Variants in ABR observed in about 807,000 individuals in gnomAD.
ABR encodes the protein active breakpoint cluster region-related protein.
ABR carries 35 observed loss-of-function variants against 107.2 expected under a neutral mutation model. That is an observed-to-expected ratio of 0.33 (90% CI 0.25 to 0.43). The LOEUF (loss-of-function observed/expected upper bound fraction) is 0.43. ABR is among the 20% of genes least tolerant of loss of function. The probability of loss-of-function intolerance (pLI) is 1.00; values close to 1 mark genes in which losing one functional copy is unlikely to be tolerated. For missense variants in ABR, 815 were observed against 1,115.2 expected, an observed-to-expected ratio of 0.73 and a Z score of 3.83; for synonymous variants, 498 against 462.0, an observed-to-expected ratio of 1.08 and a Z score of -1.00.
chr17:1,089,118 G>A (rs1198063675), intron 4 of ABR, among the ~76,000 whole-genome samples: 5 of 151,914 alleles, frequency 3.3e-5, no homozygotes, highest in African/African-American at 9.7e-5. Flanking sequence ...GGCTGGTCTC[G>A]AACTCCTGAC....
rs774159226 is a variant in ABR at position 1,092,174 on chromosome 17, C to A, written c.346-324G>T. The stretch of plus-strand genomic sequence containing the variant: ...GATCCGCGTCTTTCTTCCACGATAG[C>A]CTGTGCCCCGAGTCATAAGCTCCTT... On this transcript the variant is annotated intron_variant, in intron 3 of 22. Coordinates refer to ENST00000302538, the MANE Select transcript of ABR (RefSeq NM_021962.5). This position sits in a 1 kb window ranked among gnomAD's most constrained non-coding sequence, Gnocchi z 4.6. Among the ~76,000 whole-genome samples the A allele has an allele frequency of 6.6e-6, 1 of 152,186 alleles. No homozygotes were observed. Among genetic ancestry groups the A allele is most frequent in the Non-Finnish European group, 1.5e-5 (1 of 68,024 alleles).
At chr17:1,024,498 C>T (rs1476411483) in intron 16 of ABR, among the ~76,000 whole-genome samples, 1 of 152,130 alleles carries the variant, frequency 6.6e-6, no homozygotes, top group Non-Finnish European at 1.5e-5. Flanking sequence ...TATATAAAAA[C>T]AGTCTGGGCC....
intron 16 of ABR, among the ~76,000 whole-genome samples, chr17:1,015,869 T>G (rs1017353786): frequency 1.3e-5 from 2 of 152,194 alleles, no homozygotes; most frequent in Non-Finnish European, 2.9e-5. Context: ...TATAGGGTAT[T>G]ATTTTTTGCT....
At chr17:1,219,900 C>T (rs1285546059) in intron 1 of ABR, among the ~76,000 whole-genome samples, 4 of 151,844 alleles carry the variant, frequency 2.6e-5, no homozygotes, top group African/African-American at 4.8e-5. Flanking sequence ...AAAAATTCAA[C>T]GTGACAGCGT....
chr17:1,046,231 C>G (rs566180300), intron 16 of ABR, among the ~76,000 whole-genome samples: 1 of 151,750 alleles, frequency 6.6e-6, no homozygotes, highest in East Asian at 1.9e-4. Flanking sequence ...GTCTCAAACT[C>G]CCGACCTCCT....
chr17:1,013,388 G>A (rs994345504), intron 16 of ABR, among the ~76,000 whole-genome samples: 38 of 151,786 alleles, frequency 2.5e-4, no homozygotes, highest in Admixed American at 2.2e-3. Flanking sequence ...GTTACCCGCC[G>A]TGGGGGAGGC....
chr17:1,209,855 T>C (rs1215339946), intron 1 of ABR, among the ~76,000 whole-genome samples: 1 of 152,158 alleles, frequency 6.6e-6, no homozygotes, highest in African/African-American at 2.4e-5. Flanking sequence ...GCAGCAATTC[T>C]TTTAAGCACT....
chr17:1,148,182 C>G lies in ABR; in HGVS notation c.62-22815G>C, dbSNP rs968128612. On this transcript the variant is annotated intron_variant, in intron 1 of 22. Coordinates refer to ENST00000302538, the MANE Select transcript of ABR (RefSeq NM_021962.5). This position sits in a 1 kb window ranked among gnomAD's most constrained non-coding sequence, Gnocchi z 4.9. ...AGCATTATTGACACTTGCCAAAAAA[C>G]AGAAACACCTCAAGTGTCTATGGGT... 3.5e-4 allele frequency among the ~76,000 whole-genome samples: 54 copies of G among 152,220 alleles called. No individual in the cohort carries two copies. Among genetic ancestry groups the G allele is most frequent in the African/African-American group, 1.2e-3 (50 of 41,464 alleles).
At chr17:1,081,090 C>T (rs988881659) in intron 5 of ABR, among the ~76,000 whole-genome samples, 11 of 152,114 alleles carry the variant, frequency 7.2e-5, no homozygotes, top group African/African-American at 2.7e-4. Flanking sequence ...CAGCCCAGGC[C>T]AAGAGAAGAC....
intron 1 of ABR, among the ~76,000 whole-genome samples, chr17:1,222,074 C>CTTTTTTT (rs1488404002): frequency 1.0e-4 from 15 of 144,848 alleles, no homozygotes; most frequent in East Asian, 2.0e-4. Context: ...AGGATCCCAT[C>CTTTTTTT]TTTTTTTCTG....
At chr17:1,016,093 T>G (rs1168849192) in intron 16 of ABR, among the ~76,000 whole-genome samples, 1 of 151,628 alleles carries the variant, frequency 6.6e-6, no homozygotes, top group East Asian at 1.9e-4. Flanking sequence ...TCGAAAAGAG[T>G]TTTATCACAG....
intron 1 of ABR, among the ~76,000 whole-genome samples, chr17:1,162,801 C>A (rs1448963950): frequency 6.6e-5 from 10 of 152,054 alleles, no homozygotes; most frequent in Admixed American, 2.6e-4. Flanking sequence ...AGGCCAAGCA[C>A]AGTGGCTCAC....
At chr17:1,039,062 C>A (rs1369686502) in intron 16 of ABR, among the ~76,000 whole-genome samples, 2 of 152,186 alleles carry the variant, frequency 1.3e-5, no homozygotes, top group Non-Finnish European at 2.9e-5. Flanking sequence ...AGGTCCCGTG[C>A]CTCTGAGTCT....
intron 2 of ABR, among the ~76,000 whole-genome samples, chr17:1,109,416 G>C (rs1056218307): frequency 2.6e-5 from 4 of 151,928 alleles, no homozygotes; most frequent in African/African-American, 9.7e-5. Context: ...CGGGGCTCGG[G>C]CTCGCGCTCG....
At chr17:1,214,693 C>T (rs549519977) in intron 1 of ABR, among the ~76,000 whole-genome samples, 131 of 152,082 alleles carry the variant, frequency 8.6e-4, no homozygotes, top group African/African-American at 3.1e-3. Flanking sequence ...CCCAGCTACT[C>T]GGGAGGCTGA....
At chr17:1,024,699 T>C (rs917535611) in intron 16 of ABR, among the ~76,000 whole-genome samples, 4 of 149,746 alleles carry the variant, frequency 2.7e-5, no homozygotes, top group Non-Finnish European at 4.4e-5. Flanking sequence ...GGTGGGAGGA[T>C]TGCTTGAGCC....
rs143437530 is a variant in ABR at position 1,092,013 on chromosome 17, G to A, written c.346-163C>T. On this transcript the variant is annotated intron_variant, in intron 3 of 22. Coordinates refer to ENST00000302538, the MANE Select transcript of ABR (RefSeq NM_021962.5). This position sits in a 1 kb window ranked among gnomAD's most constrained non-coding sequence, Gnocchi z 4.6. The stretch of plus-strand genomic sequence containing the variant: ...ACGAGCTTTGTATCAAGGAGCCACT[G>A]CCACAGGCCCCAACAAGCCGCACAC... 7.9e-5 allele frequency among the ~76,000 whole-genome samples: 12 copies of A among 152,218 alleles called. No homozygotes were observed. Among genetic ancestry groups the A allele is most frequent in the Non-Finnish European group, 1.6e-4 (11 of 68,014 alleles).
At chr17:1,199,628 C>T (rs543559019) in intron 1 of ABR, among the ~76,000 whole-genome samples, 1 of 146,824 alleles carries the variant, frequency 6.8e-6, no homozygotes, top group Admixed American at 6.7e-5. Flanking sequence ...TTTGCATTTT[C>T]AGTAGAGACA....
At chr17:1,219,846 G>A (rs904280650) in intron 1 of ABR, among the ~76,000 whole-genome samples, 4 of 151,436 alleles carry the variant, frequency 2.6e-5, no homozygotes, top group Non-Finnish European at 4.4e-5. Flanking sequence ...TGGTGGACCA[G>A]TCAGAGCCTC....
Sources: allele counts gnomAD v4.1 joint callset (sites outside exome capture counted in the v4.1 genomes callset), GRCh38; gene constraint gnomAD v4.1.1; non-coding constraint Gnocchi (gnomAD v3.1); transcripts MANE v1.5; gene names NCBI Gene and HGNC (gene_info 2026-07-23, HGNC 2026-07-21).